The following PLEKHA7 variants were observed in gnomAD, a reference collection of about 807,000 sequenced individuals.
The protein encoded by PLEKHA7 is pleckstrin homology domain containing A7.
A neutral mutation model predicts 170.0 loss-of-function variants in PLEKHA7; 104 were observed. The observed-to-expected ratio is 0.61, with a 90% CI of 0.52 to 0.72. The LOEUF is 0.72. Among genes scored for constraint, PLEKHA7 ranks in the 30% least tolerant of loss-of-function variants. The pLI is 0.00. For missense variants in PLEKHA7, 1,615 were observed against 1,671.7 expected (o/e 0.97, Z 0.59); for synonymous variants, 648 against 660.8 (o/e 0.98, Z 0.30).
chr11:16,831,420 C>T (rs1305154416), intron 9 of PLEKHA7, among the ~76,000 whole-genome samples: 4 of 152,138 alleles, frequency 2.6e-5, no homozygotes, highest in African/African-American at 9.7e-5. Context: ...AATGAAGCAC[C>T]CCTCGGCCGT....
At chr11:16,878,520 G>C (rs991585234) in intron 3 of PLEKHA7, among the ~76,000 whole-genome samples, 2 of 152,138 alleles carry the variant, frequency 1.3e-5, no homozygotes, top group Admixed American at 6.5e-5. Context: ...AGCCACACTG[G>C]CCTTTTTGTT....
chr11:16,979,902 T>C (rs192475622), intron 3 of PLEKHA7, among the ~76,000 whole-genome samples: 197 of 152,208 alleles, frequency 1.3e-3, no homozygotes, highest in African/African-American at 4.5e-3. Context: ...CTCCACATCT[T>C]GTAAGGCTAA....
At chr11:16,874,349 A>G (rs184052869) in intron 3 of PLEKHA7, among the ~76,000 whole-genome samples, 64 of 152,252 alleles carry the variant, frequency 4.2e-4, no homozygotes, top group African/African-American at 1.5e-3. Context: ...TCTACAAAAA[A>G]TACAAAAATT....
chr11:16,933,242 C>G (rs72865730), intron 3 of PLEKHA7, among the ~76,000 whole-genome samples: 301 of 152,302 alleles, frequency 2.0e-3, no homozygotes, highest in Admixed American at 4.5e-3. Flanking sequence ...GATGACAAAA[C>G]CCAGGCATAA....
At chr11:16,854,309 C>T (rs1451720042) in intron 6 of PLEKHA7, among the ~76,000 whole-genome samples, 1 of 152,146 alleles carries the variant, frequency 6.6e-6, no homozygotes, top group Non-Finnish European at 1.5e-5. Flanking sequence ...TGACTGAATG[C>T]ATGTCGGGGA....
At chr11:16,961,855 T>G (rs1454995627) in intron 3 of PLEKHA7, among the ~76,000 whole-genome samples, 1 of 152,230 alleles carries the variant, frequency 6.6e-6, no homozygotes, top group African/African-American at 2.4e-5. Flanking sequence ...TTTTCTCACC[T>G]GTAAATTAGG....
chr11:16,841,423 TATAAAG>T, intron 9 of PLEKHA7, 118 bp downstream of exon 9: 1 of 1,107,660 alleles, frequency 9.0e-7, no homozygotes, highest in Non-Finnish European at 1.3e-6. Context: ...GAAGAAAGTT[TATAAAG>T]AGAGGGCAAT....
At chr11:16,821,516 C>T (rs755118227) in intron 10 of PLEKHA7, among the ~76,000 whole-genome samples, 1 of 152,092 alleles carries the variant, frequency 6.6e-6, no homozygotes, top group Non-Finnish European at 1.5e-5. Context: ...GGTTTAAAGC[C>T]AAAAATACAG....
chr11:16,944,171 T>C (rs1413451383), intron 3 of PLEKHA7, among the ~76,000 whole-genome samples: 2 of 151,708 alleles, frequency 1.3e-5, no homozygotes, highest in Non-Finnish European at 2.9e-5. Flanking sequence ...CTGGCCAACA[T>C]GGTGATACCC....
chr11:16,813,327 T>C (rs1194253411), intron 12 of PLEKHA7, 161 bp from the exon 13 acceptor site: 2 of 544,322 alleles, frequency 3.7e-6, no homozygotes, highest in East Asian at 6.2e-5. Context: ...AATGTCTCGG[T>C]GCAGCTGAGA....
intron 3 of PLEKHA7, among the ~76,000 whole-genome samples, chr11:16,893,677 C>T (rs2135965853): frequency 6.6e-6 from 1 of 152,310 alleles, no homozygotes; most frequent in African/African-American, 2.4e-5. Context: ...GCTGTATGAG[C>T]TCATTTGCAG....
intron 9 of PLEKHA7, among the ~76,000 whole-genome samples, chr11:16,840,667 A>T (rs1851879165): frequency 6.6e-6 from 1 of 152,222 alleles, no homozygotes. Flanking sequence ...AAAAATGCTC[A>T]GACTGAAGTG....
intron 3 of PLEKHA7, among the ~76,000 whole-genome samples, chr11:16,935,377 G>A (rs932479397): frequency 4.6e-5 from 7 of 152,322 alleles, no homozygotes; most frequent in Middle Eastern, 3.4e-3. Flanking sequence ...AGCCAAGATC[G>A]TGCCATTGCA....
At position 16,816,895 on chromosome 11, in the gene PLEKHA7, C is replaced by G. The variant is rs1280333739; in HGVS notation, c.1771G>C (p.Ala591Pro). ...GGTGGCTTCACTGTGACTCGCTCTGCTGGTGTGTGTGGCCGCCGGGGTGGG... is the reference window on the plus strand; with the variant it reads ...GGTGGCTTCACTGTGACTCGCTCTGGTGGTGTGTGTGGCCGCCGGGGTGGG... The part of the protein sequence containing the change: ...VFPPRRPHTP[A>P]ERVTVKPPDQ... The change falls in exon 11 of 27, where the codon GCA (alanine) becomes CCA (proline). Residue 591 changes from alanine (A) to proline (P), a missense_variant. Coordinates refer to ENST00000531066, the MANE Select transcript of PLEKHA7 (RefSeq NM_001329630.2). The G allele has an allele frequency of 3.1e-6, 5 of 1,614,118 alleles. No individual in the cohort carries two copies. The highest frequency in any genetic ancestry group is 4.2e-6 in the Non-Finnish European group (5 of 1,180,016).
At chr11:17,001,767 G>T (rs1864676152) in intron 3 of PLEKHA7, among the ~76,000 whole-genome samples, 1 of 147,350 alleles carries the variant, frequency 6.8e-6, no homozygotes, top group African/African-American at 2.5e-5. Flanking sequence ...ACAAGAGGTA[G>T]CCAGCAGCCC....
chr11:17,008,182 C>T (rs895959379), intron 3 of PLEKHA7, among the ~76,000 whole-genome samples: 1 of 152,114 alleles, frequency 6.6e-6, no homozygotes, highest in Admixed American at 6.6e-5. Context: ...AGGGTGGCTC[C>T]ACACAACCCC....
chr11:16,963,280 AATTTGGTTG>A (rs1862178002), intron 3 of PLEKHA7, among the ~76,000 whole-genome samples: 1 of 152,102 alleles, frequency 6.6e-6, no homozygotes, highest in African/African-American at 2.4e-5. Context: ...TATGTGTTCC[AATTTGGTTG>A]AGGTAGCTGC....
intron 17 of PLEKHA7, among the ~76,000 whole-genome samples, chr11:16,800,134 T>C (rs955782228): frequency 6.6e-6 from 1 of 152,220 alleles, no homozygotes; most frequent in Admixed American, 6.5e-5. Flanking sequence ...CCTCAATTAA[T>C]GCTTGCTGAA....
At chr11:16,913,734 C>T (rs1858428695) in intron 3 of PLEKHA7, among the ~76,000 whole-genome samples, 1 of 152,220 alleles carries the variant, frequency 6.6e-6, no homozygotes, top group South Asian at 2.1e-4. Context: ...TACTGTCCGC[C>T]AGGAAGCAAG....
Sources: gnomAD v4.1 joint callset for allele counts (sites outside exome capture counted in the v4.1 genomes callset) on GRCh38, gnomAD v4.1.1 for gene constraint, MANE v1.5 for transcripts, NCBI Gene and HGNC (gene_info 2026-07-23, HGNC 2026-07-21) for gene names.